TNC: variants seen among roughly 807,000 people sequenced by gnomAD.
TNC encodes the protein tenascin.
TNC carries 109 observed loss-of-function variants against 202.4 expected under a neutral mutation model. The ratio of observed to expected loss-of-function variants is 0.54; its 90% confidence interval spans 0.46 to 0.63. The LOEUF is 0.63. Ranked by LOEUF, TNC falls within the 30% of genes least tolerant of loss-of-function variation. The pLI is 0.00. For missense variants in TNC, 2,756 were observed against 2,833.3 expected (o/e 0.97, Z 0.62); for synonymous variants, 1,007 against 1,089.7 (o/e 0.92, Z 1.50).
chr9:115,045,147 C>T (rs1831077926), intron 17 of TNC, among the ~76,000 whole-genome samples: 1 of 152,152 alleles, frequency 6.6e-6, no homozygotes, highest in Non-Finnish European at 1.5e-5. Context: ...GGTTGAGCTA[C>T]ATCATCTCTC....
chr9:115,065,743 A>C (rs1454807134), intron 10 of TNC, among the ~76,000 whole-genome samples: 6 of 151,948 alleles, frequency 3.9e-5, no homozygotes. Context: ...GTCTACAAAA[A>C]ATACAGAAAT....
intron 2 of TNC, among the ~76,000 whole-genome samples, chr9:115,089,935 G>T (rs968023656): frequency 3.3e-5 from 5 of 152,202 alleles, no homozygotes; most frequent in African/African-American, 1.2e-4. Flanking sequence ...CTGTTGGGAG[G>T]ATTAAATGAG....
intron 2 of TNC, among the ~76,000 whole-genome samples, chr9:115,087,868 A>AT (rs1248759134): frequency 2.6e-5 from 4 of 151,154 alleles, no homozygotes; most frequent in Non-Finnish European, 4.4e-5. Context: ...TGCCCGGCTA[A>AT]TTTTTTTTGC....
Position 115,086,039 on chromosome 9 carries a change from G to A in TNC, c.1692C>T (p.Pro564=), listed in dbSNP as rs1280875399. ...AGCGGCCCTGGCCATGACAGTCACT[G>A]GGACATCTTTGCTCCTTGCAGTCTT... ...MGKDCKEQRC[P]SDCHGQGRCV... The change falls in exon 3 of 28, where the codon CCC becomes CCT. Residue 564 remains proline (P), a synonymous_variant. Transcript: ENST00000350763. 1 of 1,614,036 alleles carries A rather than the reference G, an allele frequency of 6.2e-7. No homozygotes were observed. The highest frequency in any genetic ancestry group is 8.5e-7 in the Non-Finnish European group (1 of 1,180,016).
chr9:115,022,047 G>T (rs1486529609), intron 27 of TNC, among the ~76,000 whole-genome samples: 1 of 152,204 alleles, frequency 6.6e-6, no homozygotes, highest in Non-Finnish European at 1.5e-5. Context: ...TTGGCTTCCA[G>T]GTTTCAACTT....
At chr9:115,078,882 C>T (rs1288701709) in intron 6 of TNC, among the ~76,000 whole-genome samples, 2 of 152,196 alleles carry the variant, frequency 1.3e-5, no homozygotes, top group Admixed American at 6.5e-5. Flanking sequence ...GGTCTCTGTA[C>T]ATGCTGTTCT....
chr9:115,100,739 T>G lies in TNC; in HGVS notation c.-136-9585A>C, dbSNP rs78008824. Among the ~76,000 whole-genome samples, 129 of 152,334 alleles carry G rather than the reference T, an allele frequency of 8.5e-4. 2 individuals carry two copies. In the East Asian group the frequency reaches 0.024, roughly 28 times the overall value. ...AGTAGACCTTAAGTGTCTTTATCAT[T>G]GACACACAGAGGTAACTATGTAAAG... On this transcript the variant is annotated intron_variant, in intron 1 of 27. Coordinates refer to ENST00000350763, the MANE Select transcript of TNC (RefSeq NM_002160.4).
chr9:115,090,101 T>C (rs1835105177), intron 2 of TNC, among the ~76,000 whole-genome samples: 1 of 152,186 alleles, frequency 6.6e-6, no homozygotes, highest in Non-Finnish European at 1.5e-5. Context: ...GGAACTCTAC[T>C]CCTTATTGGA....
At chr9:115,059,340 AG>A (rs1182370026) in intron 14 of TNC, among the ~76,000 whole-genome samples, 4 of 152,236 alleles carry the variant, frequency 2.6e-5, no homozygotes, top group African/African-American at 9.6e-5. Flanking sequence ...GACTCTCAGA[AG>A]TAAATAATCT....
At chr9:115,091,942 G>A (rs1327770694) in intron 1 of TNC, among the ~76,000 whole-genome samples, 2 of 152,212 alleles carry the variant, frequency 1.3e-5, no homozygotes, top group Non-Finnish European at 2.9e-5. Flanking sequence ...CAGAAAGGAT[G>A]TCTAAGAGCC....
intron 1 of TNC, among the ~76,000 whole-genome samples, chr9:115,112,085 G>GA (rs1242984203): frequency 3.9e-5 from 6 of 152,130 alleles, no homozygotes; most frequent in Non-Finnish European, 7.4e-5. Flanking sequence ...GTCATCCTTG[G>GA]CTCGGTCCGT....
intron 18 of TNC, among the ~76,000 whole-genome samples, chr9:115,041,798 A>G (rs1169310646): frequency 6.6e-6 from 1 of 152,302 alleles, no homozygotes; most frequent in South Asian, 2.1e-4. Flanking sequence ...AGAACTCACA[A>G]ATTTTCTAAG....
intron 17 of TNC, among the ~76,000 whole-genome samples, chr9:115,045,921 C>T (rs966711833): frequency 4.3e-4 from 65 of 152,096 alleles, no homozygotes; most frequent in Admixed American, 3.8e-3. Flanking sequence ...TATAGATAGA[C>T]GTGCTGCTTC....
chr9:115,026,402 A>G, intron 26 of TNC, 132 bp downstream of exon 26: 1 of 961,818 alleles, frequency 1.0e-6, no homozygotes, highest in South Asian at 1.8e-5. Flanking sequence ...GGCACTCAGT[A>G]GGTACTTAAA....
intron 1 of TNC, among the ~76,000 whole-genome samples, chr9:115,109,318 A>G (rs1005172118): frequency 2.0e-5 from 3 of 152,230 alleles, no homozygotes; most frequent in Admixed American, 6.5e-5. Flanking sequence ...AATCATCACA[A>G]TAAACTTTAA....
At position 115,110,284 on chromosome 9, in the gene TNC, C is replaced by T. The variant is rs117056817; in HGVS notation, c.-137+7698G>A. The stretch of plus-strand genomic sequence containing the variant: ...TGAAGTACAGGATCTGTTTAGAGAC[C>T]AGAAGCAAGATCATGGAGAATCTTG... On this transcript the variant is annotated intron_variant, in intron 1 of 27. Coordinates refer to ENST00000350763, the MANE Select transcript of TNC (RefSeq NM_002160.4). 5.1e-3 allele frequency among the ~76,000 whole-genome samples: 775 copies of T among 152,224 alleles called. 11 individuals carry two copies. Among genetic ancestry groups the T allele is most frequent in the Admixed American group, 0.026 (400 of 15,282 alleles).
At chr9:115,021,705 G>T (rs10817701) in intron 27 of TNC, among the ~76,000 whole-genome samples, 31,911 of 152,090 alleles carry the variant, frequency 0.21, 3,841 homozygotes, top group Non-Finnish European at 0.28. Flanking sequence ...TAGGGGTTTG[G>T]TATGGAATAG....
At chr9:115,073,489 G>A (rs2133043913) in intron 10 of TNC, 114 bp downstream of exon 10, 1 of 1,310,270 alleles carries the variant, frequency 7.6e-7, no homozygotes, top group African/African-American at 1.5e-5. Flanking sequence ...TTCAGAGATG[G>A]AGAAAGTGGC....
At chr9:115,082,848 G>C (rs369264484) in intron 4 of TNC, 41 bp from the exon 5 acceptor site, 10 of 1,433,382 alleles carry the variant, frequency 7.0e-6, no homozygotes, top group Non-Finnish European at 8.9e-6. Context: ...GATAGGGCAG[G>C]TGTGTGATTG....
Sources: gnomAD v4.1 joint callset for allele counts (sites outside exome capture counted in the v4.1 genomes callset) on GRCh38, gnomAD v4.1.1 for gene constraint, MANE v1.5 for transcripts, NCBI Gene and HGNC (gene_info 2026-07-23, HGNC 2026-07-21) for gene names.